The following TAT variants were observed in gnomAD, a reference collection of about 807,000 sequenced individuals.
TAT encodes the protein L-tyrosine:2-oxoglutarate aminotransferase.
A neutral mutation model predicts 53.6 loss-of-function variants in TAT; 35 were observed. The ratio of observed to expected loss-of-function variants is 0.65; its 90% CI spans 0.50 to 0.87. The LOEUF (loss-of-function observed/expected upper bound fraction) is 0.87, where lower values mean the gene tolerates loss of function less well. Among genes scored for constraint, TAT ranks in the 40% least tolerant of loss-of-function variants. TAT has a pLI of 0.00. For missense variants in TAT, 525 were observed against 571.8 expected (o/e 0.92, Z 0.83); for synonymous variants, 197 against 206.5 (o/e 0.95, Z 0.39).
chr16:71,572,352 G>A (rs764550035), intron 5 of TAT, 28 bp from the exon 6 acceptor site: 2 of 1,614,004 alleles, frequency 1.2e-6, no homozygotes, highest in Admixed American at 3.3e-5. Context: ...ATGAGACTAA[G>A]ATGATTCTGA....
chr16:71,568,407 G>T, intron 11 of TAT, 123 bp from the exon 12 acceptor site: 1 of 959,044 alleles, frequency 1.0e-6, no homozygotes, highest in Non-Finnish European at 1.6e-6. Context: ...AGTTCATTCA[G>T]CTCCCATGAC....
In TAT at chr16:71,565,721, ACAC is replaced by A. The variant is rs1438585565; in HGVS notation, c.*2420_*2422del. The A allele has an allele frequency of 6.6e-6, 1 of 152,088 alleles. No individual in the cohort carries two copies. The highest frequency in any genetic ancestry group is 1.5e-5 in the Non-Finnish European group (1 of 68,054). The allele number at this position is 152,088 out of a possible 1,614,324, so 9.4% of individuals were successfully genotyped here. A position where few individuals can be genotyped will look rare whatever the true frequency, so the allele number is the denominator to read the frequency against. On this transcript the variant is annotated 3_prime_UTR_variant, in exon 12 of 12. Transcript: ENST00000355962. ...AAAGTGCACACACACACACACACAC[ACAC>A]ACTTACATAGGCACAGTATAATCTG...
chr16:71,576,776 G>A (rs953225090), intron 1 of TAT, among the ~76,000 whole-genome samples: 1 of 152,076 alleles, frequency 6.6e-6, no homozygotes, highest in African/African-American at 2.4e-5. Flanking sequence ...CTTTCCATGC[G>A]AGCCTATCCA....
At chr16:71,571,384 G>T (rs1355853145) in intron 7 of TAT, among the ~76,000 whole-genome samples, 1 of 152,136 alleles carries the variant, frequency 6.6e-6, no homozygotes, top group Non-Finnish European at 1.5e-5. Context: ...GGTCAAATCA[G>T]GTTTTGTAAC....
chr16:71,572,350 A>G, intron 5 of TAT, 26 bp from the exon 6 acceptor site: 1 of 1,614,094 alleles, frequency 6.2e-7, no homozygotes, highest in Non-Finnish European at 8.5e-7. Context: ...GGATGAGACT[A>G]AGATGATTCT....
chr16:71,576,269 G>C lies in TAT; in HGVS notation c.147C>G (p.Ala49=), dbSNP rs370213921. 6.2e-7 allele frequency: 1 copy of C among 1,614,060 alleles called. No individual in the cohort carries two copies. Among genetic ancestry groups the C allele is most frequent in the African/African-American group, 1.3e-5 (1 of 75,006 alleles). The change falls in exon 2 of 12, where the codon GCC becomes GCG. Residue 49 remains alanine, a synonymous_variant. Coordinates refer to ENST00000355962, the MANE Select transcript of TAT (RefSeq NM_000353.3). ...CTCGGATGGGGTTGAAAGTTTTCTTGGCCATGTCTGAGGGCCTCACAGACC... is the reference window on the plus strand; with the variant it reads ...CTCGGATGGGGTTGAAAGTTTTCTTCGCCATGTCTGAGGGCCTCACAGACC... The part of the protein sequence containing the change: ...ARWSVRPSDM[A]KKTFNPIRAI...
rs1351187608 is a variant in TAT at position 71,567,202 on chromosome 16, A to T, written c.*942T>A. ...GGCGGGCAGATTGCCTGAGGTCAGG[A>T]GTTTGAGACCAGCCTGGCTAACATG... On this transcript the variant is annotated 3_prime_UTR_variant, in exon 12 of 12. Coordinates refer to ENST00000355962, the MANE Select transcript of TAT (RefSeq NM_000353.3). 2 of 152,266 alleles carry T rather than the reference A, an allele frequency of 1.3e-5. No individual in the cohort carries two copies. The highest frequency in any genetic ancestry group is 2.4e-5 in the African/African-American group (1 of 41,414). 9.4% of individuals were successfully genotyped at this position (152,266 alleles called of 1,614,324 possible).
At position 71,568,276 on chromosome 16, in the gene TAT, C is replaced by T. The variant is rs775290589; in HGVS notation, c.1233G>A (p.Glu411=). ...TGACCACTCGGATGAAATTCGGGTACTCAAAGCACTGCAAAAAGAAGAGTC... is the reference window on the plus strand; with the variant it reads ...TGACCACTCGGATGAAATTCGGGTATTCAAAGCACTGCAAAAAGAAGAGTC... ...SVHCLPATCF[E]YPNFIRVVIT... Residue 411 remains glutamate, a synonymous_variant, in exon 12 of 12, where the codon GAG becomes GAA. Transcript: ENST00000355962. 4 of 1,614,168 alleles carry T rather than the reference C, an allele frequency of 2.5e-6. No individual in the cohort carries two copies. Among genetic ancestry groups the T allele is most frequent in the Non-Finnish European group, 2.5e-6 (3 of 1,180,042 alleles).
Position 71,570,777 on chromosome 16 carries a change from T to A in TAT, c.814A>T (p.Ile272Phe), listed in dbSNP as rs1378757505. 6.2e-7 allele frequency: 1 copy of A among 1,614,044 alleles called. No individual in the cohort carries two copies. The highest frequency in any genetic ancestry group is 1.3e-5 in the African/African-American group (1 of 74,900). Residue 272 changes from isoleucine to phenylalanine, a missense_variant, in exon 8 of 12, where the codon ATC (isoleucine) becomes TTC (phenylalanine). By Grantham distance (21) the Ile-to-Phe change is conservative. Transcript: ENST00000355962. ...PLATLSTDVPILSCGGLAKRW... is the reference protein window; with the variant it reads ...PLATLSTDVPFLSCGGLAKRW... ...TTGGCCAGCCCTCCACAGGACAGGATGGGGACATCGGTGCTGAGGGTGGCC... is the reference window on the plus strand; with the variant it reads ...TTGGCCAGCCCTCCACAGGACAGGAAGGGGACATCGGTGCTGAGGGTGGCC...
intron 9 of TAT, 45 bp downstream of exon 9, chr16:71,570,224 T>G (rs765038881): frequency 3.7e-6 from 6 of 1,613,980 alleles, no homozygotes; most frequent in Non-Finnish European, 4.2e-6. Context: ...GGCGGCATTC[T>G]CTGACTCCCA....
In TAT at chr16:71,566,690, A is replaced by G. The variant is rs991090934; in HGVS notation, c.*1454T>C. On this transcript the variant is annotated 3_prime_UTR_variant, in exon 12 of 12. Transcript: ENST00000355962. ...TAGGAAGCCAGAAGTTGAGCTCCCA[A>G]ATAAAATGTTTTAGGAACTGTGGTT... is the stretch of plus-strand genomic sequence containing the variant. The G allele has an allele frequency of 2.0e-5, 3 of 152,112 alleles. No individual in the cohort carries two copies. Among genetic ancestry groups the G allele is most frequent in the African/African-American group, 7.2e-5 (3 of 41,418 alleles). The allele number at this position is 152,112 out of a possible 1,614,324, so 9.4% of individuals were successfully genotyped here.
chr16:71,575,772 G>A (rs569559527), intron 3 of TAT, 150 bp downstream of exon 3: 13 of 866,948 alleles, frequency 1.5e-5, no homozygotes, highest in East Asian at 5.0e-5. Context: ...CCCGAGACCC[G>A]GTTCCCAAAT....
Position 71,568,786 on chromosome 16 carries a change from G to A in TAT, c.1149C>T (p.Phe383=). ...YLMVGIEMEH[F]PEFENDVEFT... is the part of the protein sequence containing the mutation. ...ACTCCACATCGTTCTCAAATTCTGG[G>A]AAATGTTCCATCTCAATTCCAACCT... The change falls in exon 11 of 12, where the codon TTC becomes TTT. Residue 383 remains phenylalanine (F), a synonymous_variant. Coordinates refer to ENST00000355962, the MANE Select transcript of TAT (RefSeq NM_000353.3). 6.2e-7 allele frequency: 1 copy of A among 1,613,950 alleles called. No homozygotes were observed. The highest frequency in any genetic ancestry group is 8.5e-7 in the Non-Finnish European group (1 of 1,179,998).
intron 10 of TAT, 52 bp from the exon 11 acceptor site, chr16:71,568,861 C>A: frequency 7.3e-7 from 1 of 1,363,252 alleles, no homozygotes; most frequent in Non-Finnish European, 1.0e-6. Context: ...GAGAACAGGC[C>A]AATTTCCTGT....
intron 3 of TAT, among the ~76,000 whole-genome samples, 154 bp from the exon 4 acceptor site, chr16:71,573,760 A>G (rs2044219009): frequency 2.0e-5 from 3 of 152,048 alleles, no homozygotes; most frequent in African/African-American, 7.2e-5. Flanking sequence ...CCTCCTGAGT[A>G]GCTGGGACTA....
intron 11 of TAT, 116 bp from the exon 12 acceptor site, chr16:71,568,400 T>A (rs989637781): frequency 1.0e-6 from 1 of 1,004,478 alleles, no homozygotes; most frequent in Non-Finnish European, 1.5e-6. Context: ...GGCCATCAGT[T>A]CATTCAGCTC....
At chr16:71,576,511 T>A in intron 1 of TAT, 84 bp from the exon 2 acceptor site, 1 of 1,156,276 alleles carries the variant, frequency 8.6e-7, no homozygotes, top group Non-Finnish European at 1.3e-6. Flanking sequence ...AAACATTGGG[T>A]GACTTCACTA....
chr16:71,575,981 G>A lies in TAT; in HGVS notation c.281C>T (p.Thr94Ile). 6.2e-7 allele frequency: 1 copy of A among 1,614,154 alleles called. No homozygotes were observed. Among genetic ancestry groups the A allele is most frequent in the Non-Finnish European group, 8.5e-7 (1 of 1,180,016 alleles). The change falls in exon 3 of 12, where the codon ACC becomes ATC. Residue 94 changes from threonine to isoleucine, a missense_variant. Coordinates refer to ENST00000355962, the MANE Select transcript of TAT (RefSeq NM_000353.3). Reference sequence around the variant, plus strand: ...GTCCAGGGCATCTTTCATTGCCTGGGTAACTTCAGGGTCTGTAGGCAGGTT... The same window carrying A: ...GTCCAGGGCATCTTTCATTGCCTGGATAACTTCAGGGTCTGTAGGCAGGTT... ...FGNLPTDPEV[T>I]QAMKDALDSG... is the part of the protein sequence containing the mutation.
Position 71,570,404 on chromosome 16 carries a change from G to C in TAT, c.913-7C>G, listed in dbSNP as rs752940111. On this transcript the variant is annotated splice_polypyrimidine_tract_variant and splice_region_variant and intron_variant, in intron 8 of 11. Transcript: ENST00000355962. ...TCACCAGCCCATCTCGGATCTAAAA[G>C]ACACCCACAAGAAACATGTTGTTTA... 1 of 1,614,114 alleles carries C rather than the reference G, an allele frequency of 6.2e-7. No individual in the cohort carries two copies. Among genetic ancestry groups the C allele is most frequent in the Non-Finnish European group, 8.5e-7 (1 of 1,180,030 alleles).
Sources: gnomAD v4.1 joint callset for allele counts (sites outside exome capture counted in the v4.1 genomes callset) on GRCh38, gnomAD v4.1.1 for gene constraint, MANE v1.5 for transcripts, NCBI Gene and HGNC (gene_info 2026-07-23, HGNC 2026-07-21) for gene names.